Variants in CNTLN observed in about 807,000 individuals in gnomAD.
The protein encoded by CNTLN is centlein, centrosomal protein.
A neutral mutation model predicts 180.0 loss-of-function variants in CNTLN; 212 were observed. That is an observed-to-expected ratio of 1.18 (90% CI 1.05 to 1.32). The LOEUF is 1.32. Ranked by LOEUF, CNTLN falls within the 40% of genes most tolerant of loss-of-function variation. The pLI, the probability that CNTLN is intolerant of heterozygous loss-of-function variation, is 0.00. For missense variants in CNTLN, 2,095 were observed against 1,610.9 expected, an observed-to-expected ratio of 1.30 and a Z score of -5.14; for synonymous variants, 722 against 563.1, an observed-to-expected ratio of 1.28 and a Z score of -3.99.
chr9:17,511,359 C>T, the CNTLN span, among the ~76,000 whole-genome samples: 1 of 152,150 alleles, frequency 6.6e-6, no homozygotes, highest in African/African-American at 2.4e-5. Flanking sequence ...TTCTCTAAAA[C>T]CTAGTGGCTT....
downstream of CNTLN, among the ~76,000 whole-genome samples, chr9:17,507,692 G>A (rs1833957257): frequency 6.6e-6 from 1 of 152,196 alleles, no homozygotes; most frequent in Middle Eastern, 3.4e-3. Flanking sequence ...TCATCAAAAA[G>A]ATGATTTTTT....
intron 2 of CNTLN, among the ~76,000 whole-genome samples, chr9:17,178,114 G>C (rs952293913): frequency 6.6e-6 from 1 of 151,402 alleles, no homozygotes; most frequent in African/African-American, 2.4e-5. Context: ...GTGCTGATTG[G>C]TGTATTTACA....
chr9:17,387,694 G>T (rs1247903200), intron 13 of CNTLN, among the ~76,000 whole-genome samples: 1 of 151,898 alleles, frequency 6.6e-6, no homozygotes, highest in Non-Finnish European at 1.5e-5. Flanking sequence ...TGAAAAAAAG[G>T]TTGTGGTAGG....
intron 15 of CNTLN, among the ~76,000 whole-genome samples, chr9:17,404,510 T>A (rs1209731169): frequency 1.3e-5 from 2 of 151,576 alleles, no homozygotes; most frequent in Non-Finnish European, 2.9e-5. Context: ...TATACTGAGC[T>A]AAAAAGCGTC....
At chr9:17,407,620 G>C (rs1451129248) in intron 15 of CNTLN, among the ~76,000 whole-genome samples, 1 of 152,174 alleles carries the variant, frequency 6.6e-6, no homozygotes, top group East Asian at 1.9e-4. Context: ...ATAGTTGTCT[G>C]GGTGGTTTTG....
chr9:17,366,929 G>T (rs1401663440), intron 13 of CNTLN, among the ~76,000 whole-genome samples: 1 of 152,074 alleles, frequency 6.6e-6, no homozygotes, highest in Non-Finnish European at 1.5e-5. Context: ...AAATCTAGGG[G>T]AGAACGTACA....
chr9:17,492,551 A>G (rs777722900), intron 25 of CNTLN, among the ~76,000 whole-genome samples: 39 of 152,166 alleles, frequency 2.6e-4, no homozygotes, highest in Non-Finnish European at 4.9e-4. Flanking sequence ...GGGACAATTC[A>G]TGTCTTTAAA....
chr9:17,230,181 A>G (rs1443283072), intron 3 of CNTLN, among the ~76,000 whole-genome samples: 1 of 152,146 alleles, frequency 6.6e-6, no homozygotes, highest in Non-Finnish European at 1.5e-5. Context: ...GGCAATTTGC[A>G]CTTGTGATTG....
At chr9:17,296,581 C>T (rs750342204) in intron 6 of CNTLN, among the ~76,000 whole-genome samples, 3 of 151,972 alleles carry the variant, frequency 2.0e-5, no homozygotes, top group Non-Finnish European at 4.4e-5. Flanking sequence ...TGCCCTGTTG[C>T]GTATTTCCTT....
At chr9:17,140,430 A>C (rs1243431588) in intron 1 of CNTLN, among the ~76,000 whole-genome samples, 1 of 151,728 alleles carries the variant, frequency 6.6e-6, no homozygotes, top group Non-Finnish European at 1.5e-5. Context: ...TGGGTGTATG[A>C]GGTAATGGTT....
chr9:17,436,817 T>C (rs543877103), intron 18 of CNTLN, among the ~76,000 whole-genome samples: 13 of 152,240 alleles, frequency 8.5e-5, no homozygotes, highest in Non-Finnish European at 1.8e-4. Flanking sequence ...TTGTGATCTG[T>C]GTTCACACCG....
At chr9:17,222,718 C>T (rs957315098) in intron 2 of CNTLN, among the ~76,000 whole-genome samples, 1 of 151,956 alleles carries the variant, frequency 6.6e-6, no homozygotes, top group Non-Finnish European at 1.5e-5. Flanking sequence ...TTGCTAAATC[C>T]AACAGTCATT....
intron 2 of CNTLN, 115 bp from the exon 3 acceptor site, chr9:17,226,088 A>C (rs1824446870): frequency 2.0e-6 from 1 of 505,902 alleles, no homozygotes; most frequent in Non-Finnish European, 3.4e-6. Context: ...CCATGTGGTC[A>C]ACTCAAGATG....
At chr9:17,472,362 TG>T (rs1832081828) in intron 23 of CNTLN, among the ~76,000 whole-genome samples, 2 of 152,104 alleles carry the variant, frequency 1.3e-5, no homozygotes, top group South Asian at 4.1e-4. Context: ...CCCAATTATT[TG>T]TATCTCATTT....
intron 5 of CNTLN, among the ~76,000 whole-genome samples, chr9:17,241,367 G>C (rs1825482714): frequency 6.6e-6 from 1 of 152,158 alleles, no homozygotes; most frequent in Non-Finnish European, 1.5e-5. Context: ...GTTCACTGTA[G>C]ATGTATCACT....
At chr9:17,192,808 T>C (rs1311985074) in intron 2 of CNTLN, among the ~76,000 whole-genome samples, 1 of 152,198 alleles carries the variant, frequency 6.6e-6, no homozygotes, top group Non-Finnish European at 1.5e-5. Context: ...CTTATTAAAA[T>C]CTTCTATTAA....
At chr9:17,311,096 C>G (rs1050825582) in intron 8 of CNTLN, among the ~76,000 whole-genome samples, 1 of 151,970 alleles carries the variant, frequency 6.6e-6, no homozygotes, top group African/African-American at 2.4e-5. Flanking sequence ...GCGATCTCAG[C>G]TCATTGGAAC....
At chr9:17,424,193 G>C (rs78786263) in intron 18 of CNTLN, among the ~76,000 whole-genome samples, 2,774 of 152,180 alleles carry the variant, frequency 0.018, 83 homozygotes, top group African/African-American at 0.063. Flanking sequence ...TTAAAACAAT[G>C]TATTTTTTCT....
At position 17,457,461 on chromosome 9, in the gene CNTLN, GTTAGA is replaced by G. The variant is rs1180966929; in HGVS notation, c.3115-59_3115-55del. The G allele has an allele frequency of 1.5e-5, 13 of 886,888 alleles. No homozygotes were observed. In the East Asian group the frequency reaches 4.2e-4, roughly 29 times the overall value. The allele number at this position is 886,888 out of a possible 1,614,324, so 54.9% of individuals were successfully genotyped here. A position where few individuals can be genotyped will look rare whatever the true frequency, so the allele number is the denominator to read the frequency against. ...GCTGTAGAATTTTATGCTGATAATT[GTTAGA>G]TTAAATATAGTTACTTTTAAAATAT... is the stretch of plus-strand genomic sequence containing the variant. On this transcript the variant is annotated intron_variant, in intron 18 of 25. Transcript: ENST00000380647.
Sources: gnomAD v4.1 joint callset for allele counts (sites outside exome capture counted in the v4.1 genomes callset) on GRCh38, gnomAD v4.1.1 for gene constraint, MANE v1.5 for transcripts, NCBI Gene and HGNC (gene_info 2026-07-23, HGNC 2026-07-21) for gene names.